The following SRGAP3 variants were observed in gnomAD, a reference collection of about 807,000 sequenced individuals.
SRGAP3 encodes SLIT-ROBO Rho GTPase-activating protein 3.
SRGAP3 carries 39 observed loss-of-function variants against 121.1 expected under a neutral mutation model. That is an observed-to-expected ratio of 0.32 (90% CI 0.25 to 0.42). The LOEUF (loss-of-function observed/expected upper bound fraction) is 0.42, where lower values mean the gene tolerates loss of function less well. Ranked by LOEUF, SRGAP3 falls within the 10% of genes least tolerant of loss-of-function variation. The pLI is 1.00. For synonymous variants in SRGAP3, 601 were observed against 570.0 expected (o/e 1.05, Z -0.77); for missense variants, 1,213 against 1,470.6 (o/e 0.82, Z 2.86).
intron 1 of SRGAP3, among the ~76,000 whole-genome samples, chr3:9,224,142 C>T (rs959020216): frequency 1.3e-5 from 2 of 152,156 alleles, no homozygotes; most frequent in Non-Finnish European, 2.9e-5. Flanking sequence ...ATGATACCTA[C>T]AGCAACAGTC....
Position 8,985,539 on chromosome 3 carries a change from C to G in SRGAP3, c.3280G>C (p.Asp1094His). The G allele has an allele frequency of 1.9e-6, 3 of 1,599,060 alleles. No individual in the cohort carries two copies. Among genetic ancestry groups the G allele is most frequent in the South Asian group, 2.2e-5 (2 of 91,056 alleles). Residue 1094 changes from aspartate (D) to histidine (H), a missense_variant, in exon 22 of 22, where the codon GAC becomes CAC. Transcript: ENST00000383836. The surrounding 1 kb of genome is among the most constrained non-coding windows in gnomAD (Gnocchi z 5.1). Reference sequence around the variant, plus strand: ...GCAGGTCACATGGTGCCCGACTTGTCCGCTGAGCTGTTGGGGAACATCTTC... The same window carrying G: ...GCAGGTCACATGGTGCCCGACTTGTGCGCTGAGCTGTTGGGGAACATCTTC... ...TEKMFPNSSADKSGTM is the reference protein window; with the variant it reads ...TEKMFPNSSAHKSGTM
chr3:9,260,179 C>T (rs1407906630), intron 3 of SRGAP3, among the ~76,000 whole-genome samples: 1 of 152,114 alleles, frequency 6.6e-6, no homozygotes, highest in Non-Finnish European at 1.5e-5. Context: ...CCCTCGGGTG[C>T]CTACACCACC....
chr3:9,010,528 G>T, intron 17 of SRGAP3, 141 bp from the exon 18 acceptor site: 1 of 884,872 alleles, frequency 1.1e-6, no homozygotes, highest in Non-Finnish European at 1.9e-6. Flanking sequence ...TCTTTTCCAT[G>T]TGACCACTCC....
rs557630508 is a variant in SRGAP3, at chr3:9,215,581, T to C, written c.67+33304A>G. On this transcript the variant is annotated intron_variant, in intron 1 of 21. Coordinates refer to ENST00000383836, the MANE Select transcript of SRGAP3 (RefSeq NM_014850.4). ...CTAGGTCTGTCTGTGAGGGTGCTTC[T>C]GGAAGGCACTGGCATGTGAACCAGT... Among the ~76,000 whole-genome samples the C allele has an allele frequency of 9.6e-4, 147 of 152,338 alleles. 1 individual carries two copies. Among genetic ancestry groups the C allele is most frequent in the African/African-American group, 3.5e-3 (145 of 41,578 alleles).
chr3:9,148,062 A>G (rs1339059048), intron 1 of SRGAP3, among the ~76,000 whole-genome samples: 1 of 152,170 alleles, frequency 6.6e-6, no homozygotes, highest in Non-Finnish European at 1.5e-5. Flanking sequence ...AGAAATACCC[A>G]CGGATCCAGT....
At position 9,142,829 on chromosome 3, in the gene SRGAP3, C is replaced by CTTTTTTTTTTT. The variant is rs397795766; in HGVS notation, c.68-17923_68-17913dup. 7.5e-4 allele frequency among the ~76,000 whole-genome samples: 68 copies of CTTTTTTTTTTT among 90,862 alleles called. 3 individuals carry two copies. Among genetic ancestry groups the CTTTTTTTTTTT allele is most frequent in the African/African-American group, 1.2e-3 (28 of 22,682 alleles). The allele number at this position is 90,862 out of a possible 152,430, so 59.6% of individuals were successfully genotyped here. A position where few individuals can be genotyped will look rare whatever the true frequency, so the allele number is the denominator to read the frequency against. On this transcript the variant is annotated intron_variant, in intron 1 of 21. Transcript: ENST00000383836. ...GTCAACCAAGTTGGTGGGCAATTTC[C>CTTTTTTTTTTT]TTTTTTTTTTTTTTTTTTTTTTTGA...
chr3:9,350,228 T>C (rs1211498095), intron 1 of SRGAP3, among the ~76,000 whole-genome samples: 2 of 152,240 alleles, frequency 1.3e-5, no homozygotes, highest in South Asian at 2.1e-4. Flanking sequence ...GCACACCTTG[T>C]GTGTGCCAGG....
At chr3:9,336,047 C>T (rs1450646506) in intron 1 of SRGAP3, among the ~76,000 whole-genome samples, 1 of 152,100 alleles carries the variant, frequency 6.6e-6, no homozygotes, top group Non-Finnish European at 1.5e-5. Flanking sequence ...AATAAACTCA[C>T]TTTTTTCTCT....
intron 12 of SRGAP3, chr3:9,028,158 G>A (rs1944305343): frequency 1.9e-6 from 3 of 1,613,976 alleles, no homozygotes; most frequent in Admixed American, 1.7e-5. Flanking sequence ...ACAGGCAGCA[G>A]AGCAGGAGAA....
chr3:9,153,432 C>G lies in SRGAP3; in HGVS notation c.68-28515G>C, dbSNP rs528030454. ...TGAGGCATACCGTCTCAGAGTCACA[C>G]AGTTATGAAAACCCAATCCACTCAA... On this transcript the variant is annotated intron_variant, in intron 1 of 21. Coordinates refer to ENST00000383836, the MANE Select transcript of SRGAP3 (RefSeq NM_014850.4). 2.6e-5 allele frequency among the ~76,000 whole-genome samples: 4 copies of G among 152,298 alleles called. No individual in the cohort carries two copies. In the South Asian group the frequency reaches 6.2e-4, roughly 24 times the overall value.
chr3:9,086,017 T>C (rs1947453931), intron 3 of SRGAP3, among the ~76,000 whole-genome samples: 1 of 152,208 alleles, frequency 6.6e-6, no homozygotes, highest in African/African-American at 2.4e-5. Flanking sequence ...GGACTTCTAG[T>C]AAGGCAGCCT....
intron 3 of SRGAP3, among the ~76,000 whole-genome samples, chr3:9,268,343 C>T (rs1027060663): frequency 6.6e-5 from 10 of 150,812 alleles, no homozygotes; most frequent in Non-Finnish European, 1.5e-4. Context: ...TCTCTTCCCC[C>T]CTCTCTCTTC....
chr3:9,055,592 C>T (rs1290819702), intron 8 of SRGAP3, among the ~76,000 whole-genome samples: 1 of 152,210 alleles, frequency 6.6e-6, no homozygotes, highest in African/African-American at 2.4e-5. Context: ...CTGACCTGTT[C>T]CTTGGAGCTC....
chr3:9,298,967 G>A (rs939903527), intron 3 of SRGAP3, among the ~76,000 whole-genome samples: 1 of 149,850 alleles, frequency 6.7e-6, no homozygotes, highest in East Asian at 2.0e-4. Context: ...TGGGAGAATC[G>A]CTTGAACCAG....
chr3:9,124,104 C>A (rs1949127784), intron 2 of SRGAP3, among the ~76,000 whole-genome samples: 1 of 152,150 alleles, frequency 6.6e-6, no homozygotes, highest in African/African-American at 2.4e-5. Flanking sequence ...GATTCAGGAC[C>A]TGCCAAGTCA....
intron 21 of SRGAP3, among the ~76,000 whole-genome samples, chr3:8,988,322 CCTA>C (rs1303338994): frequency 6.6e-6 from 1 of 152,204 alleles, no homozygotes; most frequent in Non-Finnish European, 1.5e-5. Flanking sequence ...GGTCACTCGG[CCTA>C]CTACCTGGGG....
intron 1 of SRGAP3, among the ~76,000 whole-genome samples, chr3:9,213,759 T>A (rs1339285059): frequency 6.6e-6 from 1 of 152,174 alleles, no homozygotes; most frequent in Non-Finnish European, 1.5e-5. Flanking sequence ...CCTCTCCCAC[T>A]TCTTGTGACA....
intron 1 of SRGAP3, among the ~76,000 whole-genome samples, chr3:9,244,426 G>A (rs1350851695): frequency 3.3e-5 from 4 of 121,196 alleles, no homozygotes; most frequent in African/African-American, 1.3e-4. Context: ...CTAAGAAGAT[G>A]GATGAATATG....
chr3:8,994,802 A>G (rs1026812063), intron 18 of SRGAP3, among the ~76,000 whole-genome samples: 1 of 152,162 alleles, frequency 6.6e-6, no homozygotes, highest in Admixed American at 6.5e-5. Flanking sequence ...TCTACTTTTT[A>G]ATGCTCATTA....
Sources: gnomAD v4.1 joint callset for allele counts (sites outside exome capture counted in the v4.1 genomes callset) on GRCh38, gnomAD v4.1.1 for gene constraint, Gnocchi (gnomAD v3.1) non-coding constraint, MANE v1.5 for transcripts, NCBI Gene and HGNC (gene_info 2026-07-23, HGNC 2026-07-21) for gene names.